The following DPP6 variants were observed in gnomAD, a reference collection of about 807,000 sequenced individuals.
The protein encoded by DPP6 is A-type potassium channel modulatory protein DPP6.
In DPP6, 69 loss-of-function variants were observed where a neutral mutation model predicts 122.6. That is an observed-to-expected ratio of 0.56 (90% confidence interval 0.46 to 0.69). The LOEUF (loss-of-function observed/expected upper bound fraction) is 0.69, where lower values mean the gene tolerates loss of function less well. DPP6 is among the 30% of genes least tolerant of loss of function. DPP6 has a pLI of 0.00. For missense variants in DPP6, 928 were observed against 1,116.9 expected (o/e 0.83, Z 2.41); for synonymous variants, 418 against 433.1 (o/e 0.97, Z 0.43).
chr7:153,771,336 A>G, the DPP6 span, among the ~76,000 whole-genome samples: 1 of 152,074 alleles, frequency 6.6e-6, no homozygotes, highest in Non-Finnish European at 1.5e-5. Context: ...AAGTGAAATG[A>G]AATTATTATT....
chr7:154,742,238 T>A (rs1480438160), intron 8 of DPP6, among the ~76,000 whole-genome samples: 1 of 152,168 alleles, frequency 6.6e-6, no homozygotes, highest in Non-Finnish European at 1.5e-5. Context: ...CGAGTGGGAT[T>A]CATGCATTTA....
chr7:154,554,175 A>G (rs1446666282), intron 4 of DPP6, among the ~76,000 whole-genome samples: 2 of 152,142 alleles, frequency 1.3e-5, no homozygotes, highest in African/African-American at 4.8e-5. Context: ...GGCCACTATC[A>G]TTAACATTAT....
intron 22 of DPP6, 51 bp downstream of exon 22, chr7:154,885,795 G>A (rs539055033): frequency 3.2e-5 from 38 of 1,192,976 alleles, no homozygotes; most frequent in Middle Eastern, 2.4e-4. Flanking sequence ...GCCCCGCCCC[G>A]CCCCCTGCCT....
rs998566197 is a variant in DPP6 at position 154,760,094 on chromosome 7, G to T, written c.884-9323G>T. On this transcript the variant is annotated intron_variant, in intron 8 of 25. Coordinates refer to ENST00000377770, the MANE Select transcript of DPP6 (RefSeq NM_130797.4). This position sits in a 1 kb window ranked among gnomAD's most constrained non-coding sequence, Gnocchi z 4.5. Reference sequence around the variant, plus strand: ...GCAGAAATCATGCCATTGCACTCCAGCCTAGGTGACAGAGCGAGATTCTGT... The same window carrying T: ...GCAGAAATCATGCCATTGCACTCCATCCTAGGTGACAGAGCGAGATTCTGT... Among the ~76,000 whole-genome samples the T allele has an allele frequency of 1.3e-5, 2 of 152,222 alleles. No homozygotes were observed. Among genetic ancestry groups the T allele is most frequent in the Non-Finnish European group, 2.9e-5 (2 of 68,040 alleles).
upstream of DPP6, among the ~76,000 whole-genome samples, chr7:154,048,577 G>A (rs2129060423): frequency 1.2e-5 from 1 of 83,264 alleles, no homozygotes; most frequent in Middle Eastern, 5.6e-3. Context: ...ATGAGTTCAA[G>A]CTGATAATAT....
At chr7:154,519,286 G>A (rs1826783407) in intron 3 of DPP6, among the ~76,000 whole-genome samples, 1 of 152,186 alleles carries the variant, frequency 6.6e-6, no homozygotes, top group Non-Finnish European at 1.5e-5. Context: ...AGGCTGGGAG[G>A]CAGTCTGTCC....
chr7:153,866,537 T>G, the DPP6 span, among the ~76,000 whole-genome samples: 1 of 152,246 alleles, frequency 6.6e-6, no homozygotes, highest in African/African-American at 2.4e-5. Context: ...TCATTGTAGA[T>G]TCTGGATATT....
At position 154,282,024 on chromosome 7, in the gene DPP6, C is replaced by T. The variant is rs570855935; in HGVS notation, c.244-164190C>T. On this transcript the variant is annotated intron_variant, in intron 1 of 25. Coordinates refer to ENST00000377770, the MANE Select transcript of DPP6 (RefSeq NM_130797.4). The surrounding 1 kb of genome is among the most constrained non-coding windows in gnomAD (Gnocchi z 4.8). Reference sequence around the variant, plus strand: ...ACTCTAGCTTAGTGACTTAACCTTTCAACACCTCTGTTTCCTCCCCTGTCC... The same window carrying T: ...ACTCTAGCTTAGTGACTTAACCTTTTAACACCTCTGTTTCCTCCCCTGTCC... 9.9e-5 allele frequency among the ~76,000 whole-genome samples: 15 copies of T among 152,264 alleles called. No homozygotes were observed. The South Asian group carries it at 3.1e-3, about 32-fold the overall frequency.
chr7:154,607,325 C>T (rs1833618914), intron 5 of DPP6, among the ~76,000 whole-genome samples: 2 of 117,352 alleles, frequency 1.7e-5, no homozygotes. Flanking sequence ...TTTGGGAGGC[C>T]GAGGCAGGCG....
At chr7:154,357,833 T>C (rs1311021261) in intron 1 of DPP6, among the ~76,000 whole-genome samples, 9 of 151,654 alleles carry the variant, frequency 5.9e-5, no homozygotes. Flanking sequence ...TCCCAACTAC[T>C]CGGGAGGCTG....
intron 23 of DPP6, among the ~76,000 whole-genome samples, chr7:154,888,937 C>G (rs1806380958): frequency 6.6e-6 from 1 of 152,176 alleles, no homozygotes; most frequent in Non-Finnish European, 1.5e-5. Context: ...ATAAAGTCAT[C>G]AGCTCTCGTG....
intron 1 of DPP6, among the ~76,000 whole-genome samples, chr7:154,245,693 T>C (rs1801941413): frequency 6.8e-6 from 1 of 146,012 alleles, no homozygotes; most frequent in African/African-American, 2.5e-5. Flanking sequence ...GACTTCGAGA[T>C]AAGGAATGCT....
At chr7:153,749,745 C>T in the DPP6 span, among the ~76,000 whole-genome samples, 1 of 152,178 alleles carries the variant, frequency 6.6e-6, no homozygotes, top group South Asian at 2.1e-4. This position sits in a 1 kb window ranked among gnomAD's most constrained non-coding sequence, Gnocchi z 4.1. Flanking sequence ...GTCTGCCATT[C>T]CGCTTAGGTT....
At chr7:154,396,073 A>C (rs1163403056) in intron 1 of DPP6, among the ~76,000 whole-genome samples, 1 of 152,132 alleles carries the variant, frequency 6.6e-6, no homozygotes, top group Non-Finnish European at 1.5e-5. Flanking sequence ...TATACTTACG[A>C]ATTGTTATTT....
chr7:154,132,558 C>T (rs1432489968), intron 1 of DPP6, among the ~76,000 whole-genome samples: 6 of 152,140 alleles, frequency 3.9e-5, no homozygotes, highest in East Asian at 1.9e-4. Context: ...CTTCCCATGA[C>T]GACACCTCTG....
Position 154,880,918 on chromosome 7 carries a change from G to A in DPP6, c.2109G>A (p.Arg703=), listed in dbSNP as rs767994710. 6.2e-7 allele frequency: 1 copy of A among 1,613,932 alleles called. No individual in the cohort carries two copies. Among genetic ancestry groups the A allele is most frequent in the Non-Finnish European group, 8.5e-7 (1 of 1,179,884 alleles). Residue 703 remains arginine (R), a synonymous_variant, in exon 21 of 26, where the codon AGG becomes AGA. Transcript: ENST00000377770. Reference sequence around the variant, plus strand: ...TGCTGAAGGAGCAGTACATTGACAGGACGCGCGTGGCCGTGTTTGGGAAGG... The same window carrying A: ...TGCTGAAGGAGCAGTACATTGACAGAACGCGCGTGGCCGTGTTTGGGAAGG... The part of the protein sequence containing the change: ...RTMLKEQYID[R]TRVAVFGKDY...
chr7:154,397,106 G>T (rs952554050), intron 1 of DPP6, among the ~76,000 whole-genome samples: 2 of 150,072 alleles, frequency 1.3e-5, no homozygotes, highest in Non-Finnish European at 3.0e-5. Context: ...GATAAATTTA[G>T]AAGATAAATG....
At chr7:154,171,208 GA>G (rs1325920317) in intron 1 of DPP6, among the ~76,000 whole-genome samples, 1 of 152,228 alleles carries the variant, frequency 6.6e-6, no homozygotes, top group African/African-American at 2.4e-5. Context: ...TGGGACAGAT[GA>G]TCTTTTATGG....
Position 154,875,920 on chromosome 7 carries a change from G to C in DPP6, c.1898G>C (p.Gly633Ala). The C allele has an allele frequency of 6.2e-7, 1 of 1,611,472 alleles. No homozygotes were observed. The highest frequency in any genetic ancestry group is 8.5e-7 in the Non-Finnish European group (1 of 1,178,888). Residue 633 changes from glycine to alanine, a missense_variant, in exon 20 of 26, where the codon GGC becomes GCC. Transcript: ENST00000377770. This position sits in a 1 kb window ranked among gnomAD's most constrained non-coding sequence, Gnocchi z 4.5. ...PLLLVVDGTPGSQSVAEKFEV... is the reference protein window; with the variant it reads ...PLLLVVDGTPASQSVAEKFEV... ...TCTCTTTCCAGGGATGGCACCCCAG[G>C]CAGCCAGAGTGTGGCTGAGAAGTTC...
Sources: allele counts gnomAD v4.1 joint callset (sites outside exome capture counted in the v4.1 genomes callset), GRCh38; gene constraint gnomAD v4.1.1; non-coding constraint Gnocchi (gnomAD v3.1); transcripts MANE v1.5; gene names NCBI Gene and HGNC (gene_info 2026-07-23, HGNC 2026-07-21).